Variants in TRIM26 observed in about 807,000 individuals in gnomAD.
TRIM26 encodes tripartite motif containing 26.
TRIM26 carries 16 observed loss-of-function variants against 45.5 expected under a neutral mutation model. The ratio of observed to expected loss-of-function variants is 0.35; its 90% CI spans 0.24 to 0.53. The LOEUF is 0.53. Ranked by LOEUF, TRIM26 falls within the 20% of genes least tolerant of loss-of-function variation. The pLI, the probability that TRIM26 is intolerant of heterozygous loss-of-function variation, is 0.92. For synonymous variants in TRIM26, 273 were observed against 290.4 expected (o/e 0.94, Z 0.61); for missense variants, 442 against 691.1 (o/e 0.64, Z 4.04).
chr6:30,209,360 G>A lies in TRIM26; in HGVS notation c.-376+3945C>T, dbSNP rs1778048391. On this transcript the variant is annotated intron_variant, in intron 1 of 9. Transcript: ENST00000454678. This position sits in a 1 kb window ranked among gnomAD's most constrained non-coding sequence, Gnocchi z 4.8. ...GGCACATAAAAGATTTGGTGGTGCT[G>A]TGGTTTGAACATGTCCCCCAAAAGT... Among the ~76,000 whole-genome samples the A allele has an allele frequency of 6.6e-6, 1 of 152,164 alleles. No homozygotes were observed. The highest frequency in any genetic ancestry group is 6.5e-5 in the Admixed American group (1 of 15,284).
At position 30,199,168 on chromosome 6, in the gene TRIM26, A is replaced by G. The variant is rs28360011; in HGVS notation, c.-65T>C. On this transcript the variant is annotated 5_prime_UTR_variant, in exon 4 of 10. An upstream start codon of the reference 5' UTR is lost. Coordinates refer to ENST00000454678, the MANE Select transcript of TRIM26 (RefSeq NM_003449.5). The stretch of plus-strand genomic sequence containing the variant: ...GACTTCTTCTCCTTGGAGACGCGAC[A>G]TAGAGTCAGGAGCAAGCACAGTAAA... The G allele has an allele frequency of 0.035, 52,566 of 1,484,244 alleles. 1,189 individuals are homozygous for G. The highest frequency in any genetic ancestry group is 0.073 in the African/African-American group (5,177 of 71,080). 91.9% of individuals were successfully genotyped at this position (1,484,244 alleles called of 1,614,324 possible).
In TRIM26 at chr6:30,189,798, A is replaced by G; in HGVS notation, c.788+215T>C. On this transcript the variant is annotated intron_variant, in intron 7 of 9. Coordinates refer to ENST00000454678, the MANE Select transcript of TRIM26 (RefSeq NM_003449.5). The surrounding 1 kb of genome is among the most constrained non-coding windows in gnomAD (Gnocchi z 5.0). ...CCACCTCAAATAAGGCCAGTGGGCC[A>G]AGGAGCTGGGGCTACACAGAGAACC... 1.5e-6 allele frequency: 1 copy of G among 651,494 alleles called. No homozygotes were observed. Among genetic ancestry groups the G allele is most frequent in the Non-Finnish European group, 2.6e-6 (1 of 384,602 alleles). 40.4% of individuals were successfully genotyped at this position (651,494 alleles called of 1,614,324 possible). A position where few individuals can be genotyped will look rare whatever the true frequency, so the allele number is the denominator to read the frequency against.
chr6:30,197,361 C>T (rs1776597984), intron 5 of TRIM26, among the ~76,000 whole-genome samples: 1 of 152,138 alleles, frequency 6.6e-6, no homozygotes, highest in Non-Finnish European at 1.5e-5. Flanking sequence ...GGCAGCCATG[C>T]ACACTGAGGG....
In TRIM26 at chr6:30,198,626, A is replaced by G; in HGVS notation, c.438+40T>C. On this transcript the variant is annotated intron_variant, in intron 4 of 9. Coordinates refer to ENST00000454678, the MANE Select transcript of TRIM26 (RefSeq NM_003449.5). This position sits in a 1 kb window ranked among gnomAD's most constrained non-coding sequence, Gnocchi z 6.3. ...GAGGACTGCAAGGTGGAGCATCCAGAGAAGGTGGCAAGGCACCCTCGGGGG... is the reference window on the plus strand; with the variant it reads ...GAGGACTGCAAGGTGGAGCATCCAGGGAAGGTGGCAAGGCACCCTCGGGGG... The G allele has an allele frequency of 1.2e-6, 2 of 1,606,210 alleles. No homozygotes were observed. Among genetic ancestry groups the G allele is most frequent in the Non-Finnish European group, 1.7e-6 (2 of 1,176,712 alleles).
At position 30,189,949 on chromosome 6, in the gene TRIM26, G is replaced by T; in HGVS notation, c.788+64C>A. ...ACTCCCCATGAATTCAAATGCACCT[G>T]GTCAGAAGCGGGGGAACATAAACAA... On this transcript the variant is annotated intron_variant, in intron 7 of 9. Transcript: ENST00000454678. This position sits in a 1 kb window ranked among gnomAD's most constrained non-coding sequence, Gnocchi z 5.0. 2 of 1,594,586 alleles carry T rather than the reference G, an allele frequency of 1.3e-6. No individual in the cohort carries two copies. The highest frequency in any genetic ancestry group is 1.7e-6 in the Non-Finnish European group (2 of 1,163,458).
rs373318513 is a variant in TRIM26, at chr6:30,186,336, T to A, written c.1160A>T (p.Asp387Val). 2 of 1,611,592 alleles carry A rather than the reference T, an allele frequency of 1.2e-6. No homozygotes were observed. Among genetic ancestry groups the A allele is most frequent in the African/African-American group, 2.7e-5 (2 of 74,836 alleles). The change falls in exon 10 of 10, where the codon GAT becomes GTT. Residue 387 changes from aspartate (D) to valine (V), a missense_variant. By Grantham distance (152) the Asp-to-Val change is radical. Transcript: ENST00000454678. This position sits in a 1 kb window ranked among gnomAD's most constrained non-coding sequence, Gnocchi z 7.4. Reference protein sequence around the residue: ...EGWSEDEEEGDEEEEGEEEEE... With the variant: ...EGWSEDEEEGVEEEEGEEEEE... Reference sequence around the variant, plus strand: ...CTCCTCTTCTCCCTCTTCCTCCTCATCCCCCTCTTCTTCATCCTCAGACCA... The same window carrying A: ...CTCCTCTTCTCCCTCTTCCTCCTCAACCCCCTCTTCTTCATCCTCAGACCA...
At position 30,196,808 on chromosome 6, in the gene TRIM26, T is replaced by C; in HGVS notation, c.535-62A>G. On this transcript the variant is annotated intron_variant, in intron 5 of 9. Transcript: ENST00000454678. This position sits in a 1 kb window ranked among gnomAD's most constrained non-coding sequence, Gnocchi z 4.9. ...CTGCTCAGGGTGGAGGGCCCAGTGC[T>C]GGAGGTGTGCAAGGCTGGCTCGTTC... 1 of 1,560,052 alleles carries C rather than the reference T, an allele frequency of 6.4e-7. No individual in the cohort carries two copies. Among genetic ancestry groups the C allele is most frequent in the Non-Finnish European group, 8.8e-7 (1 of 1,135,890 alleles).
chr6:30,185,815 G>C lies in TRIM26; in HGVS notation c.*61C>G. ...CAGGCATCCCGTCCCCCCATTGAGA[G>C]TCCTGGAATTCCAAAGAAGTGAAGC... On this transcript the variant is annotated 3_prime_UTR_variant, in exon 10 of 10. Coordinates refer to ENST00000454678, the MANE Select transcript of TRIM26 (RefSeq NM_003449.5). This position sits in a 1 kb window ranked among gnomAD's most constrained non-coding sequence, Gnocchi z 5.7. The C allele has an allele frequency of 6.5e-7, 1 of 1,546,052 alleles. No individual in the cohort carries two copies. Among genetic ancestry groups the C allele is most frequent in the Non-Finnish European group, 8.8e-7 (1 of 1,142,650 alleles).
At chr6:30,194,938 C>T (rs1049566478) in intron 6 of TRIM26, among the ~76,000 whole-genome samples, 8 of 152,064 alleles carry the variant, frequency 5.3e-5, no homozygotes, top group African/African-American at 1.7e-4. Context: ...TAAATATATA[C>T]ATTATATAGC....
intron 6 of TRIM26, among the ~76,000 whole-genome samples, chr6:30,194,114 A>G (rs1776226424): frequency 6.6e-6 from 1 of 152,264 alleles, no homozygotes; most frequent in Admixed American, 6.5e-5. Context: ...GAAAATCAGT[A>G]TATCAAAGGG....
rs1315296259 is a variant in TRIM26 at position 30,197,302 on chromosome 6, TGGGGTTGG to T, written c.535-564_535-557del. On this transcript the variant is annotated intron_variant, in intron 5 of 9. Transcript: ENST00000454678. ...CCTGCCTCCAAATCTCCTCCCCAGCTGGGGTTGGGGGAGTCCTCAGTGGCCCTGTTGAC... is the reference window on the plus strand; with the variant it reads ...CCTGCCTCCAAATCTCCTCCCCAGCTGGGAGTCCTCAGTGGCCCTGTTGAC... Among the ~76,000 whole-genome samples, 3 of 152,188 alleles carry T rather than the reference TGGGGTTGG, an allele frequency of 2.0e-5. No homozygotes were observed. The East Asian group carries it at 5.8e-4, about 29-fold the overall frequency.
chr6:30,211,919 T>C (rs1778324276), intron 1 of TRIM26, among the ~76,000 whole-genome samples: 2 of 152,150 alleles, frequency 1.3e-5, no homozygotes, highest in South Asian at 4.1e-4. Context: ...ATACTTGCCC[T>C]CAAGAAGGGG....
At chr6:30,193,130 ACATATATGTG>A (rs1312701524) in intron 6 of TRIM26, among the ~76,000 whole-genome samples, 4,307 of 62,430 alleles carry the variant, frequency 0.069, 214 homozygotes, top group African/African-American at 0.13. Flanking sequence ...ATATATATAT[ACATATATGTG>A]TGTGTGTGTG....
intron 1 of TRIM26, among the ~76,000 whole-genome samples, chr6:30,210,858 A>G (rs1778219427): frequency 6.6e-6 from 1 of 152,212 alleles, no homozygotes; most frequent in African/African-American, 2.4e-5. Flanking sequence ...ACTCAGAACA[A>G]TGCACATCTA....
Position 30,196,180 on chromosome 6 carries a change from G to A in TRIM26, c.765+336C>T, listed in dbSNP as rs940981078. On this transcript the variant is annotated intron_variant, in intron 6 of 9. Coordinates refer to ENST00000454678, the MANE Select transcript of TRIM26 (RefSeq NM_003449.5). The surrounding 1 kb of genome is among the most constrained non-coding windows in gnomAD (Gnocchi z 4.9). ...AAAAAGCTTCCACCAGCTGCTAAGT[G>A]TCTGCCAATGACTTGTTAAGAGGGC... Among the ~76,000 whole-genome samples, 6 of 152,328 alleles carry A rather than the reference G, an allele frequency of 3.9e-5. No homozygotes were observed. Among genetic ancestry groups the A allele is most frequent in the Non-Finnish European group, 7.3e-5 (5 of 68,036 alleles).
chr6:30,195,974 T>A lies in TRIM26; in HGVS notation c.765+542A>T, dbSNP rs140519628. On this transcript the variant is annotated intron_variant, in intron 6 of 9. Coordinates refer to ENST00000454678, the MANE Select transcript of TRIM26 (RefSeq NM_003449.5). ...TATCAAAGCCCCCTCCTCTAGGAGG[T>A]GCCCCGAGGCCCCCTTGTCTGCTTT... 7.2e-3 allele frequency among the ~76,000 whole-genome samples: 1,089 copies of A among 152,122 alleles called. 42 individuals are homozygous for A. In the South Asian group the frequency reaches 0.12, roughly 17 times the overall value.
At chr6:30,205,566 G>T (rs980048223) in intron 1 of TRIM26, among the ~76,000 whole-genome samples, 2 of 152,226 alleles carry the variant, frequency 1.3e-5, no homozygotes, top group Non-Finnish European at 2.9e-5. Context: ...AGCCGGGCAC[G>T]GGGGCTTGTG....
intron 1 of TRIM26, among the ~76,000 whole-genome samples, chr6:30,205,031 C>A (rs894038605): frequency 6.6e-6 from 1 of 152,030 alleles, no homozygotes; most frequent in East Asian, 1.9e-4. Context: ...CACCTGAGAT[C>A]GGGAGTTTGA....
chr6:30,205,357 G>A (rs944691225), intron 1 of TRIM26, among the ~76,000 whole-genome samples: 1 of 152,190 alleles, frequency 6.6e-6, no homozygotes, highest in African/African-American at 2.4e-5. Flanking sequence ...CAGAACTGCA[G>A]ACACTCCCTA....
Sources: gnomAD v4.1 joint callset for allele counts (sites outside exome capture counted in the v4.1 genomes callset) on GRCh38, gnomAD v4.1.1 for gene constraint, Gnocchi (gnomAD v3.1) non-coding constraint, MANE v1.5 for transcripts, NCBI Gene and HGNC (gene_info 2026-07-23, HGNC 2026-07-21) for gene names.